The following CDC14A variants were observed in gnomAD, a reference collection of about 807,000 sequenced individuals.
CDC14A encodes dual specificity protein phosphatase CDC14A.
A neutral mutation model predicts 74.4 loss-of-function variants in CDC14A; 53 were observed. The ratio of observed to expected loss-of-function variants is 0.71; its 90% CI spans 0.57 to 0.89. CDC14A has a LOEUF of 0.89. Among genes scored for constraint, CDC14A ranks in the 40% least tolerant of loss-of-function variants. CDC14A has a pLI of 0.00. For missense variants in CDC14A, 646 were observed against 713.7 expected (o/e 0.91, Z 1.08); for synonymous variants, 247 against 258.4 (o/e 0.96, Z 0.43).
At chr1:100,367,568 A>G (rs1367210850) in intron 2 of CDC14A, among the ~76,000 whole-genome samples, 1 of 152,220 alleles carries the variant, frequency 6.6e-6, no homozygotes, top group African/African-American at 2.4e-5. Context: ...TTAAATACAT[A>G]AATAGTCTTA....
rs989550120 is a variant in CDC14A, at chr1:100,404,771, A to G, written c.309+13947A>G. ...CTTGAACCCGGGAGGCGGAGCTTGC[A>G]GTGAGCTGAGATTGAGCCACTGCAC... On this transcript the variant is annotated intron_variant, in intron 4 of 15. Coordinates refer to ENST00000336454, the MANE Select transcript of CDC14A (RefSeq NM_003672.4). 7.9e-5 allele frequency among the ~76,000 whole-genome samples: 12 copies of G among 152,328 alleles called. 1 individual carries two copies. Among genetic ancestry groups the G allele is most frequent in the African/African-American group, 1.7e-4 (7 of 41,588 alleles).
At chr1:100,481,496 G>T (rs969095979) in intron 10 of CDC14A, among the ~76,000 whole-genome samples, 1 of 152,068 alleles carries the variant, frequency 6.6e-6, no homozygotes, top group Non-Finnish European at 1.5e-5. Context: ...TTCATTAGAG[G>T]AATATTAAAA....
chr1:100,415,120 G>A (rs576395539), intron 4 of CDC14A, among the ~76,000 whole-genome samples: 38 of 152,224 alleles, frequency 2.5e-4, no homozygotes, highest in Admixed American at 6.5e-4. Context: ...GAAAATTCTG[G>A]TTGTAATCAA....
chr1:100,518,491 G>T lies in CDC14A; in HGVS notation c.*211G>T. 2.0e-6 allele frequency: 1 copy of T among 490,376 alleles called. No individual in the cohort carries two copies. The highest frequency in any genetic ancestry group is 2.9e-5 in the South Asian group (1 of 34,762). 30.4% of individuals were successfully genotyped at this position (490,376 alleles called of 1,614,324 possible). Reference sequence around the variant, plus strand: ...TAAATGCACTGAAACTATGTTTATGGAGATTTCCATACTTTTAAAGACAGT... The same window carrying T: ...TAAATGCACTGAAACTATGTTTATGTAGATTTCCATACTTTTAAAGACAGT... On this transcript the variant is annotated 3_prime_UTR_variant, in exon 16 of 16. Transcript: ENST00000336454.
intron 14 of CDC14A, 56 bp downstream of exon 14, chr1:100,498,263 C>T: frequency 2.5e-6 from 4 of 1,585,992 alleles, no homozygotes; most frequent in Non-Finnish European, 3.4e-6. Flanking sequence ...AAGCTTGCAG[C>T]AGGCGATGAG....
chr1:100,416,146 C>A (rs556776521), intron 4 of CDC14A, among the ~76,000 whole-genome samples: 1 of 152,128 alleles, frequency 6.6e-6, no homozygotes, highest in Non-Finnish European at 1.5e-5. Flanking sequence ...TTTTGCCTTG[C>A]AGTGCATTTT....
intron 8 of CDC14A, among the ~76,000 whole-genome samples, chr1:100,456,428 T>TCCC (rs758438288): frequency 2.0e-4 from 26 of 127,414 alleles, no homozygotes; most frequent in African/African-American, 9.4e-4. Flanking sequence ...GAACAAAATA[T>TCCC]CCCCCCCCCT....
chr1:100,358,684 C>CT (rs1652254565), intron 2 of CDC14A, among the ~76,000 whole-genome samples: 1 of 152,198 alleles, frequency 6.6e-6, no homozygotes, highest in African/African-American at 2.4e-5. Flanking sequence ...TAATTTAAAA[C>CT]ATTCAATTTT....
chr1:100,467,848 T>C lies in CDC14A; in HGVS notation c.839-108T>C, dbSNP rs115808928. ...TTATGTTTATTAGCTGTTGATAATA[T>C]CATCACACTTGAATGCAGAGCAGTT... On this transcript the variant is annotated intron_variant, in intron 9 of 15. Transcript: ENST00000336454. 1,004 of 1,067,706 alleles carry C rather than the reference T, an allele frequency of 9.4e-4. 5 individuals are homozygous for C. The African/African-American group carries it at 0.014, about 15-fold the overall frequency. The allele number at this position is 1,067,706 out of a possible 1,614,324, so 66.1% of individuals were successfully genotyped here. A position where few individuals can be genotyped will look rare whatever the true frequency, so the allele number is the denominator to read the frequency against.
At chr1:100,486,335 G>T (rs111536486) in intron 11 of CDC14A, among the ~76,000 whole-genome samples, 1 of 152,140 alleles carries the variant, frequency 6.6e-6, no homozygotes, top group African/African-American at 2.4e-5. Flanking sequence ...TAACATTTAT[G>T]TATCACTGTG....
At chr1:100,379,447 T>A (rs1352617503) in intron 3 of CDC14A, among the ~76,000 whole-genome samples, 2 of 152,244 alleles carry the variant, frequency 1.3e-5, no homozygotes, top group African/African-American at 2.4e-5. Flanking sequence ...GATTGAATTT[T>A]AAAAACCCAA....
At chr1:100,484,151 T>C in intron 10 of CDC14A, 141 bp from the exon 11 acceptor site, 2 of 488,442 alleles carry the variant, frequency 4.1e-6, no homozygotes, top group Non-Finnish European at 7.0e-6. Flanking sequence ...TTCTAAGATA[T>C]CATAATCTTT....
At chr1:100,369,079 ATT>A (rs369735078) in intron 2 of CDC14A, among the ~76,000 whole-genome samples, 12 of 137,632 alleles carry the variant, frequency 8.7e-5, no homozygotes, top group Admixed American at 1.4e-4. Context: ...GTTTTTTGAC[ATT>A]TTTTTTTTTT....
chr1:100,367,815 AT>A (rs1235618659), intron 2 of CDC14A, among the ~76,000 whole-genome samples: 3 of 151,886 alleles, frequency 2.0e-5, no homozygotes, highest in Non-Finnish European at 2.9e-5. Context: ...AGGATTGCTT[AT>A]TTTTTTTCTA....
intron 5 of CDC14A, among the ~76,000 whole-genome samples, chr1:100,425,861 G>C (rs750331721): frequency 6.6e-6 from 1 of 152,114 alleles, no homozygotes; most frequent in Non-Finnish European, 1.5e-5. Context: ...TAAGCAAAGT[G>C]GTTAGGAGTA....
intron 7 of CDC14A, 147 bp from the exon 8 acceptor site, chr1:100,455,258 G>A: frequency 5.0e-6 from 3 of 600,394 alleles, no homozygotes; most frequent in Non-Finnish European, 8.8e-6. Context: ...TGAGAATCAG[G>A]TGCATGTTTT....
rs376231837 is a variant in CDC14A, at chr1:100,499,203, C to T, written c.1696C>T (p.Arg566Ter). The T allele has an allele frequency of 2.9e-5, 47 of 1,614,056 alleles. No homozygotes were observed. The highest frequency in any genetic ancestry group is 6.7e-5 in the African/African-American group (5 of 74,920). The change falls in exon 15 of 16, where the codon CGA becomes TGA. Residue 566 changes from arginine (R) to a stop codon, truncating the protein, a stop_gained. Transcript: ENST00000336454. LOFTEE classifies it high-confidence loss of function. ...GACAGAGGAGCACACCACCATCCTCCGACCCTCCTACACCGGGCTTTCTTC... is the reference window on the plus strand; with the variant it reads ...GACAGAGGAGCACACCACCATCCTCTGACCCTCCTACACCGGGCTTTCTTC... ...AKTEEHTTIL[R>*]PSYTGLSSSS...
chr1:100,496,098 C>A, intron 13 of CDC14A, 49 bp downstream of exon 13: 1 of 1,485,506 alleles, frequency 6.7e-7, no homozygotes, highest in South Asian at 1.1e-5. Context: ...TATATGCTTC[C>A]TTTTAGCCAT....
At chr1:100,464,124 G>GA (rs927440910) in intron 9 of CDC14A, among the ~76,000 whole-genome samples, 1 of 152,190 alleles carries the variant, frequency 6.6e-6, no homozygotes, top group Non-Finnish European at 1.5e-5. Context: ...GGTACTTTGT[G>GA]AACATGTGAG....
Sources: allele counts gnomAD v4.1 joint callset (sites outside exome capture counted in the v4.1 genomes callset), GRCh38; gene constraint gnomAD v4.1.1; transcripts MANE v1.5; gene names NCBI Gene and HGNC (gene_info 2026-07-23, HGNC 2026-07-21).